The following ARHGAP26 variants were observed in gnomAD, a reference collection of about 807,000 sequenced individuals.
ARHGAP26 encodes the protein rho GTPase-activating protein 26.
Under a neutral mutation model 104.8 loss-of-function variants are expected in ARHGAP26, and 38 were observed. That is an observed-to-expected ratio of 0.36 (90% CI 0.28 to 0.48). The LOEUF is 0.48. Among genes scored for constraint, ARHGAP26 ranks in the 20% least tolerant of loss-of-function variants. The probability of loss-of-function intolerance (pLI) is 0.99; values close to 1 mark genes in which losing one functional copy is unlikely to be tolerated. For synonymous variants in ARHGAP26, 341 were observed against 340.0 expected (o/e 1.00, Z -0.03); for missense variants, 704 against 947.9 (o/e 0.74, Z 3.38).
intron 20 of ARHGAP26, among the ~76,000 whole-genome samples, chr5:143,198,913 G>C (rs570040675): frequency 6.6e-6 from 1 of 152,180 alleles, no homozygotes; most frequent in Admixed American, 6.5e-5. Flanking sequence ...CCATCTCCCA[G>C]GTGGTGGCCA....
At position 142,797,858 on chromosome 5, in the gene ARHGAP26, A is replaced by G. The variant is rs1454173833; in HGVS notation, c.154+26943A>G. 5.2e-4 allele frequency among the ~76,000 whole-genome samples: 79 copies of G among 152,100 alleles called. 1 individual carries two copies. Among genetic ancestry groups the G allele is most frequent in the Non-Finnish European group, 1.0e-4 (7 of 68,022 alleles). ...TAATGTGCATCCAGATTGCCTGGGG[A>G]CCTTGTTAAAATGCAGGTTCTGAGG... On this transcript the variant is annotated intron_variant, in intron 1 of 22. Transcript: ENST00000645722.
chr5:142,963,190 A>ATACATATATATATATATATATG (rs1770657220), intron 11 of ARHGAP26, among the ~76,000 whole-genome samples: 1 of 100,522 alleles, frequency 9.9e-6, no homozygotes, highest in African/African-American at 7.2e-5. Context: ...ATATATATAT[A>ATACATATATATATATATATATG]TATATATATG....
At chr5:143,014,568 G>C (rs1779337567) in intron 12 of ARHGAP26, among the ~76,000 whole-genome samples, 1 of 152,156 alleles carries the variant, frequency 6.6e-6, no homozygotes, top group South Asian at 2.1e-4. Context: ...CTTAGTAACT[G>C]TTTTCTTTGT....
At chr5:143,171,622 C>T (rs1051398079) in intron 20 of ARHGAP26, among the ~76,000 whole-genome samples, 1 of 152,188 alleles carries the variant, frequency 6.6e-6, no homozygotes, top group Non-Finnish European at 1.5e-5. Flanking sequence ...GGTGCTGTCA[C>T]TTCCTTAAGC....
intron 1 of ARHGAP26, among the ~76,000 whole-genome samples, chr5:142,812,845 CAG>C (rs1487023371): frequency 3.9e-5 from 6 of 152,060 alleles, no homozygotes; most frequent in East Asian, 1.9e-4. Flanking sequence ...GCTCCTAAAA[CAG>C]GGGTATTGAT....
intron 10 of ARHGAP26, among the ~76,000 whole-genome samples, chr5:142,917,035 GA>G (rs1400496479): frequency 1.5e-5 from 2 of 136,762 alleles, no homozygotes; most frequent in South Asian, 5.1e-4. Flanking sequence ...CAAGACTTTG[GA>G]ATTTTTTTTT....
chr5:143,106,312 C>T (rs1364677612), intron 17 of ARHGAP26, among the ~76,000 whole-genome samples: 1 of 152,054 alleles, frequency 6.6e-6, no homozygotes, highest in East Asian at 1.9e-4. Context: ...GCAGGAGGAG[C>T]AGCCAGAAGC....
At chr5:142,990,416 A>G (rs1775414754) in intron 11 of ARHGAP26, among the ~76,000 whole-genome samples, 1 of 152,130 alleles carries the variant, frequency 6.6e-6, no homozygotes, top group Non-Finnish European at 1.5e-5. Flanking sequence ...CCTTTAACTC[A>G]GAGAAGTTTA....
chr5:143,077,808 C>T (rs964464780), intron 17 of ARHGAP26, among the ~76,000 whole-genome samples: 3 of 152,182 alleles, frequency 2.0e-5, no homozygotes, highest in East Asian at 3.8e-4. Context: ...CATAGCTATT[C>T]GGACCACCTA....
At chr5:143,019,785 C>T (rs1181745068) in intron 12 of ARHGAP26, among the ~76,000 whole-genome samples, 1 of 152,166 alleles carries the variant, frequency 6.6e-6, no homozygotes, top group African/African-American at 2.4e-5. Flanking sequence ...AGCTTGTTTA[C>T]AAGAATGCTG....
intron 8 of ARHGAP26, among the ~76,000 whole-genome samples, chr5:142,906,460 A>G (rs1761118994): frequency 6.6e-6 from 1 of 152,190 alleles, no homozygotes; most frequent in African/African-American, 2.4e-5. Flanking sequence ...CATTCAGTGT[A>G]CTTATGTAAG....
Position 143,225,515 on chromosome 5 carries a change from G to T in ARHGAP26, c.*3069G>T. ...CATTTGATGTTTGAAGTTGTAATCT[G>T]TCCCATCATAAACTTACCTGGAGCT... On this transcript the variant is annotated 3_prime_UTR_variant, in exon 23 of 23. Coordinates refer to ENST00000645722, the MANE Select transcript of ARHGAP26 (RefSeq NM_001135608.3). 1 of 208,682 alleles carries T rather than the reference G, an allele frequency of 4.8e-6. No individual in the cohort carries two copies. The highest frequency in any genetic ancestry group is 9.8e-6 in the Non-Finnish European group (1 of 102,422). The allele number at this position is 208,682 out of a possible 1,614,324, so 12.9% of individuals were successfully genotyped here.
chr5:143,086,450 A>T (rs1249658484), intron 17 of ARHGAP26, among the ~76,000 whole-genome samples: 1 of 152,190 alleles, frequency 6.6e-6, no homozygotes, highest in African/African-American at 2.4e-5. Context: ...ATAAATTGGG[A>T]AATAAACTTG....
chr5:143,042,866 T>G (rs1262023639), intron 14 of ARHGAP26, among the ~76,000 whole-genome samples: 2 of 152,228 alleles, frequency 1.3e-5, no homozygotes, highest in Non-Finnish European at 2.9e-5. Context: ...GTATTGCTAG[T>G]TAGAGTGAGA....
intron 11 of ARHGAP26, among the ~76,000 whole-genome samples, chr5:142,964,543 A>AAAAC (rs1770937410): frequency 2.7e-5 from 2 of 74,744 alleles, no homozygotes; most frequent in Non-Finnish European, 2.8e-5. Flanking sequence ...CTCTGTTTAA[A>AAAAC]ACACACACAC....
At chr5:142,992,991 A>T (rs1224542779) in intron 11 of ARHGAP26, among the ~76,000 whole-genome samples, 1 of 150,580 alleles carries the variant, frequency 6.6e-6, no homozygotes, top group Non-Finnish European at 1.5e-5. Flanking sequence ...TTTTATTTTT[A>T]TTTTTTTTGA....
In ARHGAP26 at chr5:143,222,706, G is replaced by A. The variant is rs982568195; in HGVS notation, c.*260G>A. The A allele has an allele frequency of 3.0e-5, 10 of 330,630 alleles. No individual in the cohort carries two copies. Among genetic ancestry groups the A allele is most frequent in the East Asian group, 8.7e-5 (2 of 23,094 alleles). The allele number at this position is 330,630 out of a possible 1,614,324, so 20.5% of individuals were successfully genotyped here. A position where few individuals can be genotyped will look rare whatever the true frequency, so the allele number is the denominator to read the frequency against. Reference sequence around the variant, plus strand: ...AACTAAGAGGAAGACTTGCAAAGCCGTTTTCTCATGAGTACCCTGAATAGG... The same window carrying A: ...AACTAAGAGGAAGACTTGCAAAGCCATTTTCTCATGAGTACCCTGAATAGG... On this transcript the variant is annotated 3_prime_UTR_variant, in exon 23 of 23. Transcript: ENST00000645722.
intron 20 of ARHGAP26, among the ~76,000 whole-genome samples, chr5:143,205,336 T>C (rs1808396938): frequency 6.6e-6 from 1 of 152,202 alleles, no homozygotes; most frequent in Non-Finnish European, 1.5e-5. Flanking sequence ...AAAAAAAGCT[T>C]TAAAGAGTCA....
chr5:142,772,984 C>A (rs1755547591), intron 1 of ARHGAP26: 1 of 489,828 alleles, frequency 2.0e-6, no homozygotes, highest in Non-Finnish European at 4.2e-6. Context: ...GCCCTGTAAT[C>A]TGGAGGAAAG....
Sources: gnomAD v4.1 joint callset for allele counts (sites outside exome capture counted in the v4.1 genomes callset) on GRCh38, gnomAD v4.1.1 for gene constraint, MANE v1.5 for transcripts, NCBI Gene and HGNC (gene_info 2026-07-23, HGNC 2026-07-21) for gene names.